The following MFSD6 variants were observed in gnomAD, a reference collection of about 807,000 sequenced individuals.
MFSD6 encodes the protein major facilitator superfamily domain containing 6.
Under a neutral mutation model 56.3 loss-of-function variants are expected in MFSD6, and 26 were observed. The observed-to-expected ratio is 0.46, with a 90% CI of 0.34 to 0.64. MFSD6 has a LOEUF of 0.64. Among genes scored for constraint, MFSD6 ranks in the 30% least tolerant of loss-of-function variants. The pLI is 0.01. For missense variants in MFSD6, 750 were observed against 986.2 expected (o/e 0.76, Z 3.21); for synonymous variants, 331 against 366.9 (o/e 0.90, Z 1.12).
In MFSD6 at chr2:190,447,496, G is replaced by C. The variant is rs1418257040; in HGVS notation, c.1532+9935G>C. On this transcript the variant is annotated intron_variant, in intron 3 of 7. Coordinates refer to ENST00000392328, the MANE Select transcript of MFSD6 (RefSeq NM_017694.4). The surrounding 1 kb of genome is among the most constrained non-coding windows in gnomAD (Gnocchi z 4.5). ...AGGCCCTATCTTATACATATAGTCT[G>C]TGTCATAGCACATATGAAAAAATGA... 6.6e-6 allele frequency among the ~76,000 whole-genome samples: 1 copy of C among 151,890 alleles called. No homozygotes were observed. The highest frequency in any genetic ancestry group is 6.6e-5 in the Admixed American group (1 of 15,224).
At chr2:190,427,299 C>T (rs1220541264) in intron 2 of MFSD6, among the ~76,000 whole-genome samples, 1 of 152,164 alleles carries the variant, frequency 6.6e-6, no homozygotes, top group Non-Finnish European at 1.5e-5. Context: ...TTGGGGGTTC[C>T]CCATTATAGC....
chr2:190,432,829 AAC>A (rs567758257), intron 2 of MFSD6, among the ~76,000 whole-genome samples: 4 of 110,204 alleles, frequency 3.6e-5, no homozygotes, highest in Non-Finnish European at 6.0e-5. Context: ...CCCGCCCCCC[AAC>A]ACACACACAC....
intron 2 of MFSD6, among the ~76,000 whole-genome samples, chr2:190,419,589 A>T (rs761677252): frequency 3.9e-5 from 6 of 152,330 alleles, no homozygotes; most frequent in Non-Finnish European, 7.4e-5. Flanking sequence ...CATGTTTGTA[A>T]ATCTAACCTT....
rs977820126 is a variant in MFSD6, at chr2:190,447,229, C to G, written c.1532+9668C>G. The stretch of plus-strand genomic sequence containing the variant: ...TTAGAGCTTTTCTAATCAGAGAACA[C>G]AAAGTTAGTGATTTCAATTTTGTTT... On this transcript the variant is annotated intron_variant, in intron 3 of 7. Transcript: ENST00000392328. The surrounding 1 kb of genome is among the most constrained non-coding windows in gnomAD (Gnocchi z 4.5). Among the ~76,000 whole-genome samples the G allele has an allele frequency of 6.6e-6, 1 of 152,108 alleles. No homozygotes were observed. The highest frequency in any genetic ancestry group is 2.4e-5 in the African/African-American group (1 of 41,404).
intron 4 of MFSD6, among the ~76,000 whole-genome samples, chr2:190,472,745 G>T (rs531307450): frequency 3.6e-4 from 55 of 152,242 alleles, no homozygotes; most frequent in Admixed American, 2.0e-3. Context: ...AAGCCACAAA[G>T]ATACTCCTCG....
At position 190,485,594 on chromosome 2, in the gene MFSD6, T is replaced by C. The variant is rs1220831815; in HGVS notation, c.1631-3063T>C. 1.3e-5 allele frequency among the ~76,000 whole-genome samples: 2 copies of C among 152,186 alleles called. No homozygotes were observed. Among genetic ancestry groups the C allele is most frequent in the Non-Finnish European group, 2.9e-5 (2 of 68,010 alleles). On this transcript the variant is annotated intron_variant, in intron 4 of 7. Transcript: ENST00000392328. The surrounding 1 kb of genome is among the most constrained non-coding windows in gnomAD (Gnocchi z 5.1). ...ATGGACTTAGCATCATCTTTAATAA[T>C]AGAAATGAAAATACTTACAATTATT...
chr2:190,488,899 A>C lies in MFSD6; in HGVS notation c.1792+81A>C. 1 of 1,298,244 alleles carries C rather than the reference A, an allele frequency of 7.7e-7. No homozygotes were observed. The highest frequency in any genetic ancestry group is 1.0e-6 in the Non-Finnish European group (1 of 961,804). The allele number at this position is 1,298,244 out of a possible 1,614,324, so 80.4% of individuals were successfully genotyped here. The stretch of plus-strand genomic sequence containing the variant: ...CAGCAATACCTCAATAAACAATCCA[A>C]TTATTACTGAAGATTGCCCAAAGCT... On this transcript the variant is annotated intron_variant, in intron 5 of 7. Transcript: ENST00000392328. The surrounding 1 kb of genome is among the most constrained non-coding windows in gnomAD (Gnocchi z 6.4).
intron 3 of MFSD6, among the ~76,000 whole-genome samples, chr2:190,441,667 C>G (rs1466776209): frequency 6.6e-6 from 1 of 152,092 alleles, no homozygotes; most frequent in African/African-American, 2.4e-5. Flanking sequence ...ACAGTCCTCT[C>G]TCTCTGTAGC....
chr2:190,449,891 C>T (rs1419353269), intron 3 of MFSD6, among the ~76,000 whole-genome samples: 11 of 152,116 alleles, frequency 7.2e-5, no homozygotes, highest in African/African-American at 2.7e-4. Context: ...GGAGGAATAG[C>T]TTTAGGAGAT....
At position 190,438,562 on chromosome 2, in the gene MFSD6, T is replaced by C. The variant is rs1034325001; in HGVS notation, c.1532+1001T>C. ...GTGCCTAGTGTTTCTTGTTGTGTACTATTTCTTCTCACCATTAATGTGCAC... is the reference window on the plus strand; with the variant it reads ...GTGCCTAGTGTTTCTTGTTGTGTACCATTTCTTCTCACCATTAATGTGCAC... On this transcript the variant is annotated intron_variant, in intron 3 of 7. Coordinates refer to ENST00000392328, the MANE Select transcript of MFSD6 (RefSeq NM_017694.4). The surrounding 1 kb of genome is among the most constrained non-coding windows in gnomAD (Gnocchi z 5.2). Among the ~76,000 whole-genome samples, 1 of 152,216 alleles carries C rather than the reference T, an allele frequency of 6.6e-6. No individual in the cohort carries two copies.
chr2:190,427,308 G>T (rs1449705531), intron 2 of MFSD6, among the ~76,000 whole-genome samples: 48 of 152,214 alleles, frequency 3.2e-4, no homozygotes, highest in Admixed American at 3.1e-3. Flanking sequence ...CCCCATTATA[G>T]CTTGGTGAGG....
In MFSD6 at chr2:190,497,794, C is replaced by T; in HGVS notation, c.2172+75C>T. 6.8e-7 allele frequency: 1 copy of T among 1,463,988 alleles called. No homozygotes were observed. The highest frequency in any genetic ancestry group is 9.3e-7 in the Non-Finnish European group (1 of 1,077,310). 90.7% of individuals were successfully genotyped at this position (1,463,988 alleles called of 1,614,324 possible). On this transcript the variant is annotated intron_variant, in intron 7 of 7. Transcript: ENST00000392328. This position sits in a 1 kb window ranked among gnomAD's most constrained non-coding sequence, Gnocchi z 5.2. Reference sequence around the variant, plus strand: ...TTAACTGGGCTCAGTTTTAATTACTCACTTTTCATTCAACAAGATTTATTG... The same window carrying T: ...TTAACTGGGCTCAGTTTTAATTACTTACTTTTCATTCAACAAGATTTATTG...
At chr2:190,468,619 AT>A (rs71027223) in intron 3 of MFSD6, among the ~76,000 whole-genome samples, 75,573 of 127,956 alleles carry the variant, frequency 0.59, 22,122 homozygotes, top group East Asian at 0.9. Context: ...AGCCTGGCTA[AT>A]TTTTTTTTTT....
At chr2:190,452,820 C>T (rs554216678) in intron 3 of MFSD6, among the ~76,000 whole-genome samples, 12 of 152,206 alleles carry the variant, frequency 7.9e-5, no homozygotes, top group Non-Finnish European at 1.5e-4. Flanking sequence ...GGGTTAGCTC[C>T]TCTTAGCAGT....
Position 190,415,974 on chromosome 2 carries a change from T to C in MFSD6, c.-54+561T>C, listed in dbSNP as rs1690758954. 6.6e-6 allele frequency among the ~76,000 whole-genome samples: 1 copy of C among 152,216 alleles called. No homozygotes were observed. The highest frequency in any genetic ancestry group is 2.4e-5 in the African/African-American group (1 of 41,444). On this transcript the variant is annotated intron_variant, in intron 2 of 7. Transcript: ENST00000392328. The surrounding 1 kb of genome is among the most constrained non-coding windows in gnomAD (Gnocchi z 4.5). Reference sequence around the variant, plus strand: ...TAATAGTGTTAGAATAGCTCTGTAATGTGAACTGTTACTTTTTCCTCCCGC... The same window carrying C: ...TAATAGTGTTAGAATAGCTCTGTAACGTGAACTGTTACTTTTTCCTCCCGC...
rs1220368797 is a variant in MFSD6, at chr2:190,458,510, C to A, written c.1533-11248C>A. Among the ~76,000 whole-genome samples the A allele has an allele frequency of 2.0e-5, 3 of 152,114 alleles. No homozygotes were observed. Among genetic ancestry groups the A allele is most frequent in the Non-Finnish European group, 4.4e-5 (3 of 68,034 alleles). ...AGAAAATAAATTTCTGTTGTTGAAG[C>A]CACCCAGTCTGTGGTATTTGTTACA... On this transcript the variant is annotated intron_variant, in intron 3 of 7. Transcript: ENST00000392328. This position sits in a 1 kb window ranked among gnomAD's most constrained non-coding sequence, Gnocchi z 5.3.
In MFSD6 at chr2:190,438,197, A is replaced by G. The variant is rs909590540; in HGVS notation, c.1532+636A>G. ...ATCTTTCTTCCACCTAAAATTTCCC[A>G]TGTAATTCTTTTAGTTATAAAAAAA... On this transcript the variant is annotated intron_variant, in intron 3 of 7. Transcript: ENST00000392328. The surrounding 1 kb of genome is among the most constrained non-coding windows in gnomAD (Gnocchi z 5.2). 7.9e-6 allele frequency among the ~76,000 whole-genome samples: 1 copy of G among 126,544 alleles called. No individual in the cohort carries two copies. Among genetic ancestry groups the G allele is most frequent in the Admixed American group, 9.0e-5 (1 of 11,094 alleles). The allele number at this position is 126,544 out of a possible 152,430, so 83.0% of individuals were successfully genotyped here.
chr2:190,437,252 TC>T lies in MFSD6; in HGVS notation c.1226del (p.Pro409ArgfsTer30), dbSNP rs1686209496. ...NDDSKGKEVE[I>X]PQVERNNSTE... ...GATTCTAAAGGGAAAGAGGTGGAGA[TC>T]CCGCAGGTGGAAAGGAACAACTCTA... On this transcript the variant is annotated frameshift_variant, in exon 3 of 8. Transcript: ENST00000392328. LOFTEE classifies it high-confidence loss of function. The surrounding 1 kb of genome is among the most constrained non-coding windows in gnomAD (Gnocchi z 5.9). The T allele has an allele frequency of 6.2e-7, 1 of 1,614,078 alleles. No individual in the cohort carries two copies.
Position 190,436,050 on chromosome 2 carries a change from T to C in MFSD6, c.21T>C (p.Ala7=). The C allele has an allele frequency of 6.2e-7, 1 of 1,611,316 alleles. No individual in the cohort carries two copies. The highest frequency in any genetic ancestry group is 8.5e-7 in the Non-Finnish European group (1 of 1,177,924). The part of the protein sequence containing the change: MADDKV[A]ILTDDEEEQK... ...AAGCCATGGCAGATGATAAAGTTGC[T>C]ATCTTAACGGATGATGAAGAGGAAC... Residue 7 remains alanine (A), a synonymous_variant, in exon 3 of 8, where the codon GCT becomes GCC. Coordinates refer to ENST00000392328, the MANE Select transcript of MFSD6 (RefSeq NM_017694.4). This position sits in a 1 kb window ranked among gnomAD's most constrained non-coding sequence, Gnocchi z 5.3.
Sources: allele counts gnomAD v4.1 joint callset (sites outside exome capture counted in the v4.1 genomes callset), GRCh38; gene constraint gnomAD v4.1.1; non-coding constraint Gnocchi (gnomAD v3.1); transcripts MANE v1.5; gene names NCBI Gene and HGNC (gene_info 2026-07-23, HGNC 2026-07-21).